The following TMEM196 variants were observed in gnomAD, a reference collection of about 807,000 sequenced individuals.
The protein encoded by TMEM196 is transmembrane protein 196.
TMEM196 carries 17 observed loss-of-function variants against 20.0 expected under a neutral mutation model. The observed-to-expected ratio is 0.85, with a 90% CI of 0.58 to 1.27. TMEM196 has a LOEUF of 1.27. Ranked by LOEUF, TMEM196 falls within the 50% of genes most tolerant of loss-of-function variation. The pLI, the probability that TMEM196 is intolerant of heterozygous loss-of-function variation, is 0.00. For missense variants in TMEM196, 267 were observed against 223.0 expected (o/e 1.20, Z -1.26); for synonymous variants, 113 against 88.9 (o/e 1.27, Z -1.52).
chr7:19,735,472 C>T (rs1257053453), intron 1 of TMEM196, among the ~76,000 whole-genome samples: 1 of 152,176 alleles, frequency 6.6e-6, no homozygotes. Context: ...TTCTTTTTCT[C>T]TCTCTCTTTC....
At chr7:19,762,020 T>C (rs1785455610) in intron 1 of TMEM196, among the ~76,000 whole-genome samples, 1 of 152,204 alleles carries the variant, frequency 6.6e-6, no homozygotes, top group African/African-American at 2.4e-5. Flanking sequence ...TAAAAAATTA[T>C]CTCTTGAATA....
chr7:19,758,842 A>G (rs1785317554), intron 1 of TMEM196, among the ~76,000 whole-genome samples: 1 of 152,122 alleles, frequency 6.6e-6, no homozygotes, highest in Non-Finnish European at 1.5e-5. Flanking sequence ...CTTCACTCAT[A>G]CTTGACTTAG....
At chr7:19,756,699 A>G (rs1166790869) in intron 1 of TMEM196, among the ~76,000 whole-genome samples, 2 of 152,082 alleles carry the variant, frequency 1.3e-5, no homozygotes, top group Non-Finnish European at 2.9e-5. Flanking sequence ...AACATGTGGT[A>G]TTTGGTTTTC....
chr7:19,759,591 CACAA>C (rs1232822620), intron 1 of TMEM196, among the ~76,000 whole-genome samples: 2 of 152,050 alleles, frequency 1.3e-5, no homozygotes, highest in African/African-American at 4.8e-5. Context: ...TTTCACAGGT[CACAA>C]ACAGATTCTT....
chr7:19,739,475 G>GC (rs1350519439), intron 1 of TMEM196, among the ~76,000 whole-genome samples: 1 of 152,096 alleles, frequency 6.6e-6, no homozygotes, highest in Non-Finnish European at 1.5e-5. Context: ...TATAAAGGAG[G>GC]CCTCAGAGAG....
chr7:19,749,808 G>A (rs1412389452), intron 1 of TMEM196, among the ~76,000 whole-genome samples: 1 of 152,114 alleles, frequency 6.6e-6, no homozygotes, highest in Non-Finnish European at 1.5e-5. Flanking sequence ...ACGTATTGAG[G>A]CTAAGCTCAG....
chr7:19,767,015 T>C (rs1785659178), intron 1 of TMEM196, among the ~76,000 whole-genome samples: 1 of 152,162 alleles, frequency 6.6e-6, no homozygotes, highest in South Asian at 2.1e-4. Context: ...AGTAGGTGAC[T>C]GATGCAAATA....
intron 1 of TMEM196, among the ~76,000 whole-genome samples, chr7:19,751,022 G>C (rs1172980171): frequency 2.6e-5 from 4 of 152,142 alleles, no homozygotes; most frequent in Non-Finnish European, 5.9e-5. Context: ...TCTCTGATTC[G>C]AAATAAAGGA....
In TMEM196 at chr7:19,736,353, CTATATATATATATA is replaced by C. The variant is rs71017071; in HGVS notation, c.148-6929_148-6916del. On this transcript the variant is annotated intron_variant, in intron 1 of 4. Coordinates refer to ENST00000405844, the MANE Select transcript of TMEM196 (RefSeq NM_001363562.2). ...GATCCCACTTTTCTAGTGGTTCCTA[CTATATATATATATA>C]TATATATATATATATATATATATAT... is the stretch of plus-strand genomic sequence containing the variant. Among the ~76,000 whole-genome samples the C allele has an allele frequency of 3.8e-3, 144 of 37,992 alleles. 1 individual carries two copies. Among genetic ancestry groups the C allele is most frequent in the Middle Eastern group, 0.026 (2 of 76 alleles). The allele number at this position is 37,992 out of a possible 152,430, so 24.9% of individuals were successfully genotyped here.
intron 1 of TMEM196, among the ~76,000 whole-genome samples, chr7:19,759,614 A>G (rs890024117): frequency 4.6e-5 from 7 of 151,982 alleles, no homozygotes; most frequent in Non-Finnish European, 7.4e-5. Context: ...TTGATCTCCC[A>G]TCCTACACCA....
At chr7:19,765,341 T>A (rs913467974) in intron 1 of TMEM196, among the ~76,000 whole-genome samples, 1 of 152,142 alleles carries the variant, frequency 6.6e-6, no homozygotes, top group African/African-American at 2.4e-5. Flanking sequence ...CTTGGGAGTT[T>A]TACTATTGGT....
intron 1 of TMEM196, among the ~76,000 whole-genome samples, chr7:19,747,928 T>C (rs1394821415): frequency 6.6e-6 from 1 of 152,142 alleles, no homozygotes; most frequent in Non-Finnish European, 1.5e-5. Context: ...TCCGAAGAAG[T>C]ACTTTCCTAC....
chr7:19,750,908 C>T (rs1784935521), intron 1 of TMEM196, among the ~76,000 whole-genome samples: 1 of 152,096 alleles, frequency 6.6e-6, no homozygotes, highest in East Asian at 1.9e-4. Context: ...GTTTTGTTTC[C>T]AAAGGTATCT....
chr7:19,738,920 G>A (rs28840735), intron 1 of TMEM196, among the ~76,000 whole-genome samples: 31 of 151,960 alleles, frequency 2.0e-4, no homozygotes, highest in Middle Eastern at 3.4e-3. Flanking sequence ...GATTTTCTTC[G>A]AAAAAGTACC....
chr7:19,732,585 C>CAAAAAAAAAA (rs1325672938), intron 1 of TMEM196, among the ~76,000 whole-genome samples: 1 of 84,124 alleles, frequency 1.2e-5, no homozygotes, highest in African/African-American at 4.7e-5. Flanking sequence ...AAAAAAAAAA[C>CAAAAAAAAAA]AAAAAAAAAA....
chr7:19,728,505 G>A (rs1784077193), intron 2 of TMEM196, among the ~76,000 whole-genome samples: 1 of 152,128 alleles, frequency 6.6e-6, no homozygotes, highest in African/African-American at 2.4e-5. Flanking sequence ...TTCTCACGAA[G>A]AAAGATGTGA....
At chr7:19,724,399 TACAGAAAACTAA>T in intron 3 of TMEM196, 46 bp from the exon 4 acceptor site, 1 of 1,508,608 alleles carries the variant, frequency 6.6e-7, no homozygotes, top group Non-Finnish European at 9.0e-7. Flanking sequence ...CACAAATATA[TACAGAAAACTAA>T]ATCAGACTAG....
intron 1 of TMEM196, among the ~76,000 whole-genome samples, chr7:19,742,291 C>G (rs1329310617): frequency 1.3e-5 from 2 of 152,140 alleles, no homozygotes; most frequent in African/African-American, 4.8e-5. Flanking sequence ...AGAGGCATCT[C>G]ACTTTCTGAT....
In TMEM196 at chr7:19,722,087, A is replaced by C. The variant is rs1482410910; in HGVS notation, c.*41T>G. On this transcript the variant is annotated 3_prime_UTR_variant, in exon 5 of 5. Transcript: ENST00000405844. ...TTTAAAACATTGATTACACTCTTCC[A>C]TTAAATATCAGCTGTGGTCCTCCAT... The C allele has an allele frequency of 6.2e-7, 1 of 1,610,326 alleles. No homozygotes were observed. Among genetic ancestry groups the C allele is most frequent in the African/African-American group, 1.3e-5 (1 of 74,652 alleles).
Sources: allele counts gnomAD v4.1 joint callset (sites outside exome capture counted in the v4.1 genomes callset), GRCh38; gene constraint gnomAD v4.1.1; transcripts MANE v1.5; gene names NCBI Gene and HGNC (gene_info 2026-07-23, HGNC 2026-07-21).